INPP1: variants seen among roughly 807,000 people sequenced by gnomAD.
The protein encoded by INPP1 is inositol polyphosphate 1-phosphatase.
In INPP1, 18 loss-of-function variants were observed where a neutral mutation model predicts 23.0. The ratio of observed to expected loss-of-function variants is 0.78; its 90% CI spans 0.54 to 1.16. The LOEUF is 1.16. Among genes scored for constraint, INPP1 ranks in the 50% most tolerant of loss-of-function variants. The pLI, the probability that INPP1 is intolerant of heterozygous loss-of-function variation, is 0.00. For synonymous variants in INPP1, 164 were observed against 176.3 expected (o/e 0.93, Z 0.55); for missense variants, 448 against 482.1 (o/e 0.93, Z 0.66).
rs1311349996 is a variant in INPP1 at position 190,355,190 on chromosome 2, G to T, written c.-64-4849G>T. Among the ~76,000 whole-genome samples, 4 of 152,098 alleles carry T rather than the reference G, an allele frequency of 2.6e-5. No individual in the cohort carries two copies. Among genetic ancestry groups the T allele is most frequent in the African/African-American group, 7.2e-5 (3 of 41,394 alleles). ...TCCTTGTGCCTCAGGTTCTTCATCT[G>T]TAAAATGGAGATAATAGTACCTACT... On this transcript the variant is annotated intron_variant, in intron 2 of 6. Transcript: ENST00000392329. The surrounding 1 kb of genome is among the most constrained non-coding windows in gnomAD (Gnocchi z 5.1).
chr2:190,366,429 G>A (rs796640961), intron 4 of INPP1, among the ~76,000 whole-genome samples: 1 of 135,860 alleles, frequency 7.4e-6, no homozygotes, highest in East Asian at 2.4e-4. Flanking sequence ...GTCTCACTCT[G>A]TCTCACTCTG....
At chr2:190,353,560 G>A (rs1689362874) in intron 2 of INPP1, among the ~76,000 whole-genome samples, 1 of 152,152 alleles carries the variant, frequency 6.6e-6, no homozygotes, top group Non-Finnish European at 1.5e-5. Flanking sequence ...TTTATTATCT[G>A]CCATGTGTAA....
rs778806825 is a variant in INPP1, at chr2:190,352,650, A to G, written c.-65+3619A>G. ...GCACAAACAACCTCCAATCTTTAAA[A>G]CTACTCCCCAAGGCAGCCCTTGAGT... On this transcript the variant is annotated intron_variant, in intron 2 of 6. Transcript: ENST00000392329. This position sits in a 1 kb window ranked among gnomAD's most constrained non-coding sequence, Gnocchi z 4.7. Among the ~76,000 whole-genome samples, 5 of 152,058 alleles carry G rather than the reference A, an allele frequency of 3.3e-5. No individual in the cohort carries two copies. The highest frequency in any genetic ancestry group is 6.6e-5 in the Admixed American group (1 of 15,258).
At position 190,366,810 on chromosome 2, in the gene INPP1, G is replaced by C. The variant is rs748407786; in HGVS notation, c.381G>C (p.Gln127His). 3 of 1,613,836 alleles carry C rather than the reference G, an allele frequency of 1.9e-6. No homozygotes were observed. The highest frequency in any genetic ancestry group is 4.5e-5 in the East Asian group (2 of 44,894). ...ASEALARVVH[Q>H]DVAFTDPTLD... is the part of the protein sequence containing the mutation. ...AAGCATTAGCCAGGGTTGTTCATCA[G>C]GATGTTGCCTTTACTGACCCAACTC... Residue 127 changes from glutamine (Q) to histidine (H), a missense_variant, in exon 5 of 7, where the codon CAG becomes CAC. Transcript: ENST00000392329.
intron 3 of INPP1, among the ~76,000 whole-genome samples, 156 bp from the exon 4 acceptor site, chr2:190,362,471 G>A (rs2067420): frequency 0.39 from 59,496 of 151,984 alleles, 13,005 homozygotes; most frequent in African/African-American, 0.59. Flanking sequence ...AGTTGACTTC[G>A]TTTTTTTATA....
chr2:190,371,300 G>T lies in INPP1; in HGVS notation c.1098G>T (p.Trp366Cys). The T allele has an allele frequency of 6.2e-7, 1 of 1,607,616 alleles. No homozygotes were observed. Among genetic ancestry groups the T allele is most frequent in the Non-Finnish European group, 8.5e-7 (1 of 1,176,226 alleles). Residue 366 changes from tryptophan (W) to cysteine (C), a missense_variant, in exon 7 of 7, where the codon TGG becomes TGT. By Grantham distance (215) the Trp-to-Cys change is radical (BLOSUM62 -2). Coordinates refer to ENST00000392329, the MANE Select transcript of INPP1 (RefSeq NM_001128928.2). This position sits in a 1 kb window ranked among gnomAD's most constrained non-coding sequence, Gnocchi z 5.3. Reference sequence around the variant, plus strand: ...AGGGTGCTGCTGGGGTGGATCGGTGGGCCAACAAGGGAGGACTCATTGCAT... The same window carrying T: ...AGGGTGCTGCTGGGGTGGATCGGTGTGCCAACAAGGGAGGACTCATTGCAT... ...ENEGAAGVDR[W>C]ANKGGLIAYR...
chr2:190,369,235 T>G lies in INPP1; in HGVS notation c.599T>G (p.Val200Gly). Reference protein sequence around the residue: ...DIQTGVPLMGVINQPFVSRDP... With the variant: ...DIQTGVPLMGGINQPFVSRDP... ...CAGACAGGGGTTCCCCTGATGGGAG[T>G]CATCAATCAACCTTTTGTGTCACGA... The change falls in exon 6 of 7, where the codon GTC (valine) becomes GGC (glycine). Residue 200 changes from valine (V) to glycine (G), a missense_variant. Val to Gly is a moderately radical substitution (Grantham distance 109). Coordinates refer to ENST00000392329, the MANE Select transcript of INPP1 (RefSeq NM_001128928.2). 6.3e-7 allele frequency: 1 copy of G among 1,599,410 alleles called. No individual in the cohort carries two copies. Among genetic ancestry groups the G allele is most frequent in the Non-Finnish European group, 8.6e-7 (1 of 1,168,712 alleles).
intron 4 of INPP1, among the ~76,000 whole-genome samples, chr2:190,366,059 GTCTC>G (rs10601585): frequency 0.65 from 93,183 of 142,336 alleles, 30,254 homozygotes; most frequent in East Asian, 0.76. Context: ...TGCTCTCTCT[GTCTC>G]TCTGTCTCTT....
intron 2 of INPP1, among the ~76,000 whole-genome samples, chr2:190,351,853 T>A (rs1010512748): frequency 6.6e-6 from 1 of 152,228 alleles, no homozygotes; most frequent in Non-Finnish European, 1.5e-5. Context: ...GATCATAGAT[T>A]ATACTTATAG....
At position 190,367,476 on chromosome 2, in the gene INPP1, G is replaced by A. The variant is rs1262526835; in HGVS notation, c.466+581G>A. Among the ~76,000 whole-genome samples the A allele has an allele frequency of 6.6e-6, 1 of 152,232 alleles. No homozygotes were observed. Among genetic ancestry groups the A allele is most frequent in the Non-Finnish European group, 1.5e-5 (1 of 68,036 alleles). ...AATGTGACGCATGAGCAGTTTGTGA[G>A]CCCTGCATGAGCTCTACATTTTTTT... On this transcript the variant is annotated intron_variant, in intron 5 of 6. Transcript: ENST00000392329. The surrounding 1 kb of genome is among the most constrained non-coding windows in gnomAD (Gnocchi z 4.1).
rs1297890510 is a variant in INPP1 at position 190,345,148 on chromosome 2, A to G, written c.-209+1187A>G. 6.6e-6 allele frequency among the ~76,000 whole-genome samples: 1 copy of G among 152,156 alleles called. No homozygotes were observed. The highest frequency in any genetic ancestry group is 2.4e-5 in the African/African-American group (1 of 41,430). ...CTACTTTATTTTTAAGTTTTTATGGATTTTTATACTACTTTTGAAGTCAGC... is the reference window on the plus strand; with the variant it reads ...CTACTTTATTTTTAAGTTTTTATGGGTTTTTATACTACTTTTGAAGTCAGC... On this transcript the variant is annotated intron_variant, in intron 1 of 6. Transcript: ENST00000392329. This position sits in a 1 kb window ranked among gnomAD's most constrained non-coding sequence, Gnocchi z 4.9.
chr2:190,357,009 A>G (rs901996465), intron 2 of INPP1, among the ~76,000 whole-genome samples: 1 of 152,238 alleles, frequency 6.6e-6, no homozygotes, highest in African/African-American at 2.4e-5. Flanking sequence ...TATGCCATCA[A>G]TTATTTCTAA....
chr2:190,364,489 C>T lies in INPP1; in HGVS notation c.265+1802C>T, dbSNP rs562034627. On this transcript the variant is annotated intron_variant, in intron 4 of 6. Transcript: ENST00000392329. ...CCCGGGAGGCGGAGCTTGCAGTGAG[C>T]GGAGATCGCACCACTGCACTCCAGC... Among the ~76,000 whole-genome samples, 7 of 149,440 alleles carry T rather than the reference C, an allele frequency of 4.7e-5. No individual in the cohort carries two copies. The East Asian group carries it at 1.0e-3, about 21-fold the overall frequency.
Position 190,346,866 on chromosome 2 carries a change from A to G in INPP1, c.-208-2022A>G, listed in dbSNP as rs895319935. Reference sequence around the variant, plus strand: ...GACATCCTCCTGCCTCAGCCTCCCAAAATGCTGGGACTACAGGTGTGAGCT... The same window carrying G: ...GACATCCTCCTGCCTCAGCCTCCCAGAATGCTGGGACTACAGGTGTGAGCT... On this transcript the variant is annotated intron_variant, in intron 1 of 6. Coordinates refer to ENST00000392329, the MANE Select transcript of INPP1 (RefSeq NM_001128928.2). This position sits in a 1 kb window ranked among gnomAD's most constrained non-coding sequence, Gnocchi z 5.1. Among the ~76,000 whole-genome samples, 1 of 152,062 alleles carries G rather than the reference A, an allele frequency of 6.6e-6. No homozygotes were observed. Among genetic ancestry groups the G allele is most frequent in the Non-Finnish European group, 1.5e-5 (1 of 68,020 alleles).
At chr2:190,359,892 T>C (rs1038553594) in intron 2 of INPP1, 147 bp from the exon 3 acceptor site, 5 of 544,928 alleles carry the variant, frequency 9.2e-6, no homozygotes, top group Non-Finnish European at 1.6e-5. Flanking sequence ...ATCTAGAGTC[T>C]TCCACACTGA....
At position 190,343,748 on chromosome 2, in the gene INPP1, C is replaced by G. The variant is rs1469737765; in HGVS notation, c.-422C>G. 1.3e-5 allele frequency: 2 copies of G among 152,466 alleles called. No homozygotes were observed. The highest frequency in any genetic ancestry group is 2.9e-5 in the Non-Finnish European group (2 of 68,270). The allele number at this position is 152,466 out of a possible 1,614,324, so 9.4% of individuals were successfully genotyped here. A position where few individuals can be genotyped will look rare whatever the true frequency, so the allele number is the denominator to read the frequency against. ...AGCTCGGATCCGGTGCCGAGCCAAG[C>G]GGGGCCGTGCGTCGCCGGGGCTTCG... On this transcript the variant is annotated 5_prime_UTR_variant, in exon 1 of 7. Transcript: ENST00000392329.
rs1689795407 is a variant in INPP1 at position 190,371,159 on chromosome 2, T to C, written c.957T>C (p.Ala319=). The change falls in exon 7 of 7, where the codon GCT becomes GCC. Residue 319 remains alanine, a synonymous_variant. Coordinates refer to ENST00000392329, the MANE Select transcript of INPP1 (RefSeq NM_001128928.2). This position sits in a 1 kb window ranked among gnomAD's most constrained non-coding sequence, Gnocchi z 5.3. Reference sequence around the variant, plus strand: ...CCACATTCAAATGGGACTCTTGTGCTGCTCATGCCATACTGAGGGCCATGG... The same window carrying C: ...CCACATTCAAATGGGACTCTTGTGCCGCTCATGCCATACTGAGGGCCATGG... ...EDTTFKWDSC[A]AHAILRAMGG... 1 of 1,614,100 alleles carries C rather than the reference T, an allele frequency of 6.2e-7. No homozygotes were observed. The highest frequency in any genetic ancestry group is 1.3e-5 in the African/African-American group (1 of 74,936).
At position 190,363,342 on chromosome 2, in the gene INPP1, C is replaced by T. The variant is rs1025955557; in HGVS notation, c.265+655C>T. 2.0e-5 allele frequency among the ~76,000 whole-genome samples: 3 copies of T among 152,182 alleles called. No homozygotes were observed. The highest frequency in any genetic ancestry group is 7.2e-5 in the African/African-American group (3 of 41,450). On this transcript the variant is annotated intron_variant, in intron 4 of 6. Coordinates refer to ENST00000392329, the MANE Select transcript of INPP1 (RefSeq NM_001128928.2). This position sits in a 1 kb window ranked among gnomAD's most constrained non-coding sequence, Gnocchi z 4.4. ...CCACCTCCTGGATTCAAGCCATTCTCCTGCCTCATCCTCCTGAGTGGCTGG... is the reference window on the plus strand; with the variant it reads ...CCACCTCCTGGATTCAAGCCATTCTTCTGCCTCATCCTCCTGAGTGGCTGG...
rs1167877037 is a variant in INPP1 at position 190,368,893 on chromosome 2, T to C, written c.467-210T>C. 1 of 383,174 alleles carries C rather than the reference T, an allele frequency of 2.6e-6. No individual in the cohort carries two copies. The allele number at this position is 383,174 out of a possible 1,614,324, so 23.7% of individuals were successfully genotyped here. On this transcript the variant is annotated intron_variant, in intron 5 of 6. Transcript: ENST00000392329. The surrounding 1 kb of genome is among the most constrained non-coding windows in gnomAD (Gnocchi z 4.3). ...CTATGCCACAGGAACTATAGACACA[T>C]CCTCTCCCTTCAAGAGTTCTCACAG...
Sources: allele counts gnomAD v4.1 joint callset (sites outside exome capture counted in the v4.1 genomes callset), GRCh38; gene constraint gnomAD v4.1.1; non-coding constraint Gnocchi (gnomAD v3.1); transcripts MANE v1.5; gene names NCBI Gene and HGNC (gene_info 2026-07-23, HGNC 2026-07-21).